The following SETD7 variants were observed in gnomAD, a reference collection of about 807,000 sequenced individuals.
SETD7 encodes histone-lysine N-methyltransferase SETD7.
SETD7 carries 16 observed loss-of-function variants against 41.8 expected under a neutral mutation model. The observed-to-expected ratio is 0.38, with a 90% CI of 0.26 to 0.58. The LOEUF (loss-of-function observed/expected upper bound fraction) is 0.58, where lower values mean the gene tolerates loss of function less well. Ranked by LOEUF, SETD7 falls within the 20% of genes least tolerant of loss-of-function variation. The pLI is 0.64. For synonymous variants in SETD7, 163 were observed against 169.7 expected, an observed-to-expected ratio of 0.96 and a Z score of 0.31; for missense variants, 346 against 459.7, an observed-to-expected ratio of 0.75 and a Z score of 2.26.
chr4:139,522,718 G>A (rs2111137381), intron 5 of SETD7, among the ~76,000 whole-genome samples: 1 of 148,522 alleles, frequency 6.7e-6, no homozygotes, highest in South Asian at 2.1e-4. Flanking sequence ...CCAGGACACA[G>A]CTGGCTGCCT....
intron 7 of SETD7, 29 bp downstream of exon 7, chr4:139,517,856 C>T (rs768639494): frequency 6.3e-7 from 1 of 1,595,940 alleles, no homozygotes; most frequent in South Asian, 1.1e-5. Context: ...AGGCATAGAT[C>T]CGCCCCAGCA....
At chr4:139,546,658 AGATGGGGGC>A in intron 2 of SETD7, 1 of 465,216 alleles carries the variant, frequency 2.1e-6, no homozygotes, top group Non-Finnish European at 3.9e-6. Flanking sequence ...AACTTATGCA[AGATGGGGGC>A]CCCCAAATCT....
At chr4:139,517,475 CAAAAAAAAAAAAAAA>C (rs56132171) in intron 7 of SETD7, among the ~76,000 whole-genome samples, 111,109 of 137,126 alleles carry the variant, frequency 0.81, 44,258 homozygotes, top group East Asian at 0.96. Context: ...AAATCCATCT[CAAAAAAAAAAAAAAA>C]AAAAAAAAAA....
At position 139,507,115 on chromosome 4, in the gene SETD7, T is replaced by C. The variant is rs911284023; in HGVS notation, c.*4548A>G. The C allele has an allele frequency of 2.0e-5, 3 of 152,710 alleles. No homozygotes were observed. The highest frequency in any genetic ancestry group is 4.4e-5 in the Non-Finnish European group (3 of 68,086). 9.5% of individuals were successfully genotyped at this position (152,710 alleles called of 1,614,324 possible). ...GGGCAGCCTCCCTGACGTGTGTGAC[T>C]AGGCAGTAAGGGTGGCGGTTGATGG... On this transcript the variant is annotated 3_prime_UTR_variant, in exon 8 of 8. Coordinates refer to ENST00000274031, the MANE Select transcript of SETD7 (RefSeq NM_030648.4).
chr4:139,502,917 T>C (rs1726613071), downstream of SETD7, among the ~76,000 whole-genome samples: 1 of 152,028 alleles, frequency 6.6e-6, no homozygotes, highest in Non-Finnish European at 1.5e-5. Flanking sequence ...GGGTGGTGGC[T>C]CACGCCTGTA....
At chr4:139,536,616 G>C (rs1177700464) in intron 2 of SETD7, among the ~76,000 whole-genome samples, 1 of 152,024 alleles carries the variant, frequency 6.6e-6, no homozygotes, top group East Asian at 1.9e-4. Context: ...GGAGGGTGAG[G>C]TGCAAGAATC....
chr4:139,498,018 G>A (rs1036418184), intron 7 of SETD7, among the ~76,000 whole-genome samples: 1 of 152,226 alleles, frequency 6.6e-6, no homozygotes, highest in Non-Finnish European at 1.5e-5. Flanking sequence ...CTGGGAAAGT[G>A]CAGGAGATTT....
intron 3 of SETD7, among the ~76,000 whole-genome samples, chr4:139,529,978 C>A (rs1727437568): frequency 6.6e-6 from 1 of 152,186 alleles, no homozygotes; most frequent in African/African-American, 2.4e-5. Flanking sequence ...CTTAACTCTT[C>A]CATTTACTTC....
At chr4:139,501,615 AC>A (rs958137252), downstream of SETD7, among the ~76,000 whole-genome samples, 35 of 151,368 alleles carry the variant, frequency 2.3e-4, no homozygotes, top group African/African-American at 8.1e-4. Flanking sequence ...TCAAAAAAAA[AC>A]CCCAAATAAA....
intron 1 of SETD7, among the ~76,000 whole-genome samples, chr4:139,551,318 C>T (rs1381201230): frequency 6.6e-6 from 1 of 152,206 alleles, no homozygotes; most frequent in Non-Finnish European, 1.5e-5. Flanking sequence ...AATGACTGCT[C>T]TGTGTTTTTA....
downstream of SETD7, among the ~76,000 whole-genome samples, chr4:139,493,146 A>C (rs1726382704): frequency 6.6e-6 from 1 of 152,250 alleles, no homozygotes; most frequent in Non-Finnish European, 1.5e-5. Context: ...AATACACAAA[A>C]TAACTGTGGA....
At chr4:139,519,655 G>T (rs1309311709) in intron 6 of SETD7, among the ~76,000 whole-genome samples, 1 of 152,212 alleles carries the variant, frequency 6.6e-6, no homozygotes, top group African/African-American at 2.4e-5. Context: ...TTAGCCATAA[G>T]CTTAAGGTCC....
At chr4:139,526,331 G>C (rs542962403) in intron 4 of SETD7, among the ~76,000 whole-genome samples, 4 of 150,530 alleles carry the variant, frequency 2.7e-5, no homozygotes, top group African/African-American at 9.8e-5. Context: ...CTGGAGTGCA[G>C]TGCACTCAGC....
chr4:139,506,559 G>A lies in SETD7; in HGVS notation c.*5104C>T, dbSNP rs943078741. ...TAGTCCCTGTAGCTTCCCAATACAT[G>A]AATCAAGGTTAATTATCATAAACCA... On this transcript the variant is annotated 3_prime_UTR_variant, in exon 8 of 8. Transcript: ENST00000274031. 1 of 152,580 alleles carries A rather than the reference G, an allele frequency of 6.6e-6. No homozygotes were observed. Among genetic ancestry groups the A allele is most frequent in the East Asian group, 1.9e-4 (1 of 5,206 alleles). The allele number at this position is 152,580 out of a possible 1,614,324, so 9.5% of individuals were successfully genotyped here. A position where few individuals can be genotyped will look rare whatever the true frequency, so the allele number is the denominator to read the frequency against.
chr4:139,522,779 A>C (rs890405084), intron 5 of SETD7, among the ~76,000 whole-genome samples: 4 of 102,922 alleles, frequency 3.9e-5, no homozygotes, highest in African/African-American at 1.5e-4. Context: ...TTTTAGATGG[A>C]GTCTTGCTCT....
chr4:139,515,537 GGTT>G (rs1727002316), intron 7 of SETD7, among the ~76,000 whole-genome samples: 1 of 152,164 alleles, frequency 6.6e-6, no homozygotes, highest in African/African-American at 2.4e-5. Context: ...CCCTTTAAAG[GGTT>G]GTTGTTAAGC....
In SETD7 at chr4:139,511,806, G is replaced by T. The variant is rs771844611; in HGVS notation, c.958C>A (p.Arg320Ser). ...TCGGCCTCCACTGCTCTCAGGGTGC[G>T]GATGCATTTGATGGGCCCAAAACGG... ...HPRFGPIKCI[R>S]TLRAVEADEE... Residue 320 changes from arginine to serine, a missense_variant, in exon 8 of 8, where the codon CGC (arginine) becomes AGC (serine). Arg to Ser is a moderately radical substitution (Grantham distance 110, BLOSUM62 -1). Coordinates refer to ENST00000274031, the MANE Select transcript of SETD7 (RefSeq NM_030648.4). The T allele has an allele frequency of 6.2e-7, 1 of 1,613,942 alleles. No individual in the cohort carries two copies. The highest frequency in any genetic ancestry group is 2.2e-5 in the East Asian group (1 of 44,870).
chr4:139,538,432 C>A (rs568501817), intron 2 of SETD7, among the ~76,000 whole-genome samples: 60 of 152,182 alleles, frequency 3.9e-4, no homozygotes, highest in African/African-American at 1.3e-3. Context: ...TGGGTTCAAG[C>A]GATTCTCCTG....
chr4:139,495,135 A>T (rs566133260), downstream of SETD7, among the ~76,000 whole-genome samples: 1 of 152,350 alleles, frequency 6.6e-6, no homozygotes, highest in South Asian at 2.1e-4. Flanking sequence ...TCCAAGTAAT[A>T]TCATTTCTAC....
Sources: allele counts gnomAD v4.1 joint callset (sites outside exome capture counted in the v4.1 genomes callset), GRCh38; gene constraint gnomAD v4.1.1; transcripts MANE v1.5; gene names NCBI Gene and HGNC (gene_info 2026-07-23, HGNC 2026-07-21).